Variants in CACNB4 observed in about 807,000 individuals in gnomAD.
CACNB4 encodes voltage-dependent L-type calcium channel subunit beta-4.
Under a neutral mutation model 71.2 loss-of-function variants are expected in CACNB4, and 32 were observed. The ratio of observed to expected loss-of-function variants is 0.45; its 90% CI spans 0.34 to 0.60. The LOEUF is 0.60. Ranked by LOEUF, CACNB4 falls within the 20% of genes least tolerant of loss-of-function variation. The pLI is 0.01. For missense variants in CACNB4, 464 were observed against 647.9 expected (o/e 0.72, Z 3.08); for synonymous variants, 231 against 236.9 (o/e 0.97, Z 0.23).
In CACNB4 at chr2:151,838,177, TACC is replaced by T. The variant is rs1454550161; in HGVS notation, c.*939_*941del. ...TTAGCATTGCACTCGGGAGGATTGG[TACC>T]ACATCCTTACTATCTGACTTCAGAT... On this transcript the variant is annotated 3_prime_UTR_variant, in exon 14 of 14. Coordinates refer to ENST00000539935, the MANE Select transcript of CACNB4 (RefSeq NM_000726.5). The T allele has an allele frequency of 1.3e-5, 2 of 152,738 alleles. No individual in the cohort carries two copies. Among genetic ancestry groups the T allele is most frequent in the Admixed American group, 6.5e-5 (1 of 15,288 alleles). 9.5% of individuals were successfully genotyped at this position (152,738 alleles called of 1,614,324 possible).
At chr2:152,056,440 T>C (rs886337067) in intron 2 of CACNB4, among the ~76,000 whole-genome samples, 1 of 152,060 alleles carries the variant, frequency 6.6e-6, no homozygotes, top group Non-Finnish European at 1.5e-5. Flanking sequence ...GCTACAATTA[T>C]CTCCCATGTT....
rs1015478430 is a variant in CACNB4, at chr2:151,903,038, T to C, written c.148-19668A>G. 2.6e-5 allele frequency among the ~76,000 whole-genome samples: 4 copies of C among 152,342 alleles called. No individual in the cohort carries two copies. In the East Asian group the frequency reaches 5.8e-4, roughly 22 times the overall value. On this transcript the variant is annotated intron_variant, in intron 2 of 13. Transcript: ENST00000539935. ...TTTCCAGATAAGAAATTAAGTACTT[T>C]ACTGTGCTATGTGTCAGCCTAGCTC... is the stretch of plus-strand genomic sequence containing the variant.
At chr2:152,088,264 C>T (rs4664078) in intron 2 of CACNB4, among the ~76,000 whole-genome samples, 88,425 of 151,666 alleles carry the variant, frequency 0.58, 27,118 homozygotes, top group East Asian at 0.85. Context: ...TTCTAAACAA[C>T]AATCAGCATT....
intron 12 of CACNB4, 56 bp from the exon 13 acceptor site, chr2:151,842,144 C>T: frequency 1.4e-6 from 2 of 1,445,800 alleles, no homozygotes; most frequent in South Asian, 2.3e-5. Flanking sequence ...GGCAATGAAA[C>T]CTAAAATTCC....
At chr2:151,856,837 C>T (rs1028077578) in intron 10 of CACNB4, 1 of 152,110 alleles carries the variant, frequency 6.6e-6, no homozygotes, top group African/African-American at 2.4e-5. Context: ...CTCAGCTTGC[C>T]GAGTAGCTGG....
intron 2 of CACNB4, chr2:151,969,508 T>C (rs1462668340): frequency 6.6e-6 from 1 of 152,238 alleles, no homozygotes; most frequent in East Asian, 1.9e-4. Context: ...TTGGGTATCT[T>C]TGTTCACATC....
At chr2:151,840,913 T>C (rs948173323) in intron 13 of CACNB4, among the ~76,000 whole-genome samples, 12 of 152,190 alleles carry the variant, frequency 7.9e-5, no homozygotes, top group African/African-American at 2.7e-4. Context: ...TAAATAATAA[T>C]TGATGTAGAA....
intron 2 of CACNB4, among the ~76,000 whole-genome samples, chr2:151,931,455 T>G (rs545930675): frequency 6.6e-6 from 1 of 152,202 alleles, no homozygotes; most frequent in Non-Finnish European, 1.5e-5. Flanking sequence ...GGCAACAGCA[T>G]GTGTAGTATG....
chr2:151,935,706 T>C (rs2099862765), intron 2 of CACNB4, among the ~76,000 whole-genome samples: 1 of 152,234 alleles, frequency 6.6e-6, no homozygotes, highest in Non-Finnish European at 1.5e-5. Flanking sequence ...TACATTCTAC[T>C]ACAAATTATC....
intron 2 of CACNB4, among the ~76,000 whole-genome samples, chr2:152,035,663 A>C: frequency 7.5e-6 from 1 of 132,922 alleles, no homozygotes; most frequent in Non-Finnish European, 1.6e-5. Context: ...ATATATATAT[A>C]TATATGTATG....
intron 12 of CACNB4, among the ~76,000 whole-genome samples, chr2:151,845,623 G>A (rs1246512892): frequency 6.6e-6 from 1 of 152,252 alleles, no homozygotes; most frequent in Admixed American, 6.5e-5. Flanking sequence ...CCTGCAGCAT[G>A]GGCTATGGAT....
chr2:151,861,860 T>TAAAAAAAAAAAAAGA (rs2099841807), intron 9 of CACNB4: 2 of 104,966 alleles, frequency 1.9e-5, no homozygotes, highest in Admixed American at 8.2e-5. Flanking sequence ...AAAAAAAAAC[T>TAAAAAAAAAAAAAGA]GAAGAATAAA....
chr2:152,011,423 T>G (rs1452256468), intron 2 of CACNB4, among the ~76,000 whole-genome samples: 1 of 152,182 alleles, frequency 6.6e-6, no homozygotes, highest in African/African-American at 2.4e-5. Flanking sequence ...GATAAAGTTG[T>G]TGAGGTTATT....
At chr2:152,097,548 C>T (rs1038357376) in intron 2 of CACNB4, among the ~76,000 whole-genome samples, 1 of 152,124 alleles carries the variant, frequency 6.6e-6, no homozygotes, top group Non-Finnish European at 1.5e-5. Flanking sequence ...GTTTCATTAA[C>T]AGCACATGGA....
intron 2 of CACNB4, among the ~76,000 whole-genome samples, chr2:151,996,487 A>G (rs1276894427): frequency 6.6e-6 from 1 of 151,998 alleles, no homozygotes; most frequent in African/African-American, 2.4e-5. Flanking sequence ...TTAAAAAAAA[A>G]AAAAAAAAAG....
Position 152,047,345 on chromosome 2 carries a change from G to C in CACNB4, c.147+50985C>G, listed in dbSNP as rs934843688. ...TCTTTGTTGTCAATTTCTTCCTGAGGGGCCTAGAGAGAGTTATGCCCACAG... is the reference window on the plus strand; with the variant it reads ...TCTTTGTTGTCAATTTCTTCCTGAGCGGCCTAGAGAGAGTTATGCCCACAG... On this transcript the variant is annotated intron_variant, in intron 2 of 13. Transcript: ENST00000539935. 2.6e-5 allele frequency among the ~76,000 whole-genome samples: 4 copies of C among 152,146 alleles called. No homozygotes were observed. The East Asian group carries it at 7.7e-4, about 29-fold the overall frequency.
At chr2:152,018,863 G>A (rs1367831805) in intron 2 of CACNB4, among the ~76,000 whole-genome samples, 2 of 149,238 alleles carry the variant, frequency 1.3e-5, no homozygotes, top group Non-Finnish European at 3.0e-5. Flanking sequence ...AATATTTGAG[G>A]AAACTTTCCA....
At chr2:151,848,244 C>T (rs2099838117) in intron 12 of CACNB4, among the ~76,000 whole-genome samples, 1 of 152,146 alleles carries the variant, frequency 6.6e-6, no homozygotes, top group African/African-American at 2.4e-5. Flanking sequence ...GGCTGAAATC[C>T]CTGGAAAAGG....
chr2:151,995,381 A>G (rs1384961307), intron 2 of CACNB4, among the ~76,000 whole-genome samples: 1 of 152,262 alleles, frequency 6.6e-6, no homozygotes, highest in South Asian at 2.1e-4. Flanking sequence ...TCATGTGCTT[A>G]GCACAAAAAG....
Sources: allele counts gnomAD v4.1 joint callset (sites outside exome capture counted in the v4.1 genomes callset), GRCh38; gene constraint gnomAD v4.1.1; transcripts MANE v1.5; gene names NCBI Gene and HGNC (gene_info 2026-07-23, HGNC 2026-07-21).